RYR3: variants seen among roughly 807,000 people sequenced by gnomAD.
The protein encoded by RYR3 is brain ryanodine receptor-calcium release channel.
Under a neutral mutation model 584.3 loss-of-function variants are expected in RYR3, and 207 were observed. That is an observed-to-expected ratio of 0.35 (90% CI 0.32 to 0.40). The LOEUF is 0.40. Ranked by LOEUF, RYR3 falls within the 10% of genes least tolerant of loss-of-function variation. The pLI, the probability that RYR3 is intolerant of heterozygous loss-of-function variation, is 1.00. For missense variants in RYR3, 5,616 were observed against 6,089.2 expected, an observed-to-expected ratio of 0.92 and a Z score of 2.59; for synonymous variants, 2,416 against 2,248.5, an observed-to-expected ratio of 1.07 and a Z score of -2.11.
At position 33,731,500 on chromosome 15, in the gene RYR3, G is replaced by A. The variant is rs778179200; in HGVS notation, c.7230G>A (p.Ala2410=). 2.0e-5 allele frequency: 33 copies of A among 1,612,856 alleles called. No individual in the cohort carries two copies. Among genetic ancestry groups the A allele is most frequent in the Non-Finnish European group, 2.3e-5 (27 of 1,179,470 alleles). Reference sequence around the variant, plus strand: ...TTTCCCTAAGCACCACAGAGGCTGCGCTTGCACTAAATAGGTATATATGTT... The same window carrying A: ...TTTCCCTAAGCACCACAGAGGCTGCACTTGCACTAAATAGGTATATATGTT... ...DTVSLSTTEA[A]LALNRYICSA... Residue 2410 remains alanine, a synonymous_variant, in exon 48 of 104, where the codon GCG becomes GCA. Coordinates refer to ENST00000634891, the MANE Select transcript of RYR3 (RefSeq NM_001036.6).
chr15:33,821,686 T>G (rs1411398741), intron 80 of RYR3, 84 bp downstream of exon 80: 1 of 1,364,258 alleles, frequency 7.3e-7, no homozygotes, highest in Non-Finnish European at 1.0e-6. Flanking sequence ...AGGAGTTGAC[T>G]GCTACAGAGG....
intron 53 of RYR3, 135 bp from the exon 54 acceptor site, chr15:33,747,979 T>G: frequency 1.3e-6 from 1 of 752,606 alleles, no homozygotes; most frequent in Non-Finnish European, 2.3e-6. Flanking sequence ...ACAAAGGATG[T>G]TTTGACCTTG....
At chr15:33,437,256 G>T (rs779996326) in intron 1 of RYR3, among the ~76,000 whole-genome samples, 1 of 152,098 alleles carries the variant, frequency 6.6e-6, no homozygotes, top group Non-Finnish European at 1.5e-5. Flanking sequence ...GAGCAAAGTC[G>T]TTGAGGCTGG....
intron 1 of RYR3, among the ~76,000 whole-genome samples, chr15:33,460,940 C>CT (rs66742049): frequency 0.025 from 1,981 of 79,152 alleles, 120 homozygotes; most frequent in South Asian, 0.035. Context: ...TAATATCCAC[C>CT]TTTTTTTTTT....
chr15:33,694,967 G>T (rs750618979), intron 38 of RYR3, among the ~76,000 whole-genome samples: 2 of 152,208 alleles, frequency 1.3e-5, no homozygotes, highest in Non-Finnish European at 2.9e-5. Flanking sequence ...GATGAGCCAA[G>T]ACTGTATATA....
At chr15:33,494,843 AG>A (rs1259609449) in intron 2 of RYR3, among the ~76,000 whole-genome samples, 2 of 152,202 alleles carry the variant, frequency 1.3e-5, no homozygotes, top group African/African-American at 4.8e-5. Flanking sequence ...AATTTAAGAA[AG>A]GTTTATGCAT....
chr15:33,341,861 A>G (rs1971861350), intron 1 of RYR3, among the ~76,000 whole-genome samples: 1 of 151,974 alleles, frequency 6.6e-6, no homozygotes, highest in Non-Finnish European at 1.5e-5. Flanking sequence ...AAAAAAAATT[A>G]GAGCTCAAAG....
At position 33,635,818 on chromosome 15, in the gene RYR3, G is replaced by A; in HGVS notation, c.3380G>A (p.Arg1127Lys). 1 of 1,610,432 alleles carries A rather than the reference G, an allele frequency of 6.2e-7. No individual in the cohort carries two copies. Among genetic ancestry groups the A allele is most frequent in the Non-Finnish European group, 8.5e-7 (1 of 1,179,184 alleles). ...CAAGCCTTTGTGTTTGAAGGCAACA[G>A]GGTGAGTTTATATATCTAGCAAACA... ...DDQAFVFEGN[R>K]GQRWHQGSGY... is the part of the protein sequence containing the mutation. The change falls in exon 26 of 104, where the codon AGG becomes AAG. Residue 1127 changes from arginine (R) to lysine (K), a missense_variant and splice_region_variant. By Grantham distance (26) the Arg-to-Lys change is conservative (BLOSUM62 2). Around this residue, in one of 9 missense-constraint regions of RYR3, gnomAD observed 152 missense variants for 200.9 expected, o/e 0.76. Transcript: ENST00000634891.
intron 29 of RYR3, 34 bp downstream of exon 29, chr15:33,646,560 C>G: frequency 6.4e-7 from 1 of 1,570,782 alleles, no homozygotes; most frequent in Non-Finnish European, 8.7e-7. Flanking sequence ...CAGAGGCACT[C>G]ATTGTATCTC....
chr15:33,862,363 T>G (rs1888594240), intron 102 of RYR3, among the ~76,000 whole-genome samples: 1 of 103,662 alleles, frequency 9.6e-6, no homozygotes, highest in South Asian at 4.3e-4. Flanking sequence ...ACCACTAATT[T>G]AGCACCAGCT....
intron 1 of RYR3, among the ~76,000 whole-genome samples, chr15:33,357,878 A>G (rs1974201407): frequency 6.6e-6 from 1 of 152,210 alleles, no homozygotes; most frequent in South Asian, 2.1e-4. Context: ...AGTATTTTAC[A>G]TGAATGGCAA....
intron 7 of RYR3, 143 bp from the exon 8 acceptor site, chr15:33,543,479 C>T: frequency 1.5e-6 from 1 of 649,778 alleles, no homozygotes; most frequent in Admixed American, 2.5e-5. Flanking sequence ...GGCCTGCATT[C>T]ATGGAATATG....
chr15:33,729,969 G>A (rs2068803580), intron 47 of RYR3, among the ~76,000 whole-genome samples: 1 of 152,056 alleles, frequency 6.6e-6, no homozygotes, highest in African/African-American at 2.4e-5. Flanking sequence ...AGTGGGAGCT[G>A]CATTCCCATG....
intron 16 of RYR3, among the ~76,000 whole-genome samples, chr15:33,587,947 G>A (rs2058939879): frequency 3.3e-5 from 5 of 152,116 alleles, no homozygotes; most frequent in Admixed American, 3.3e-4. Context: ...AGGCTGCATT[G>A]TTGTCTCCAG....
At chr15:33,711,551 A>G (rs2067126685) in intron 43 of RYR3, among the ~76,000 whole-genome samples, 1 of 152,180 alleles carries the variant, frequency 6.6e-6, no homozygotes, top group African/African-American at 2.4e-5. Flanking sequence ...CTACCAGGCC[A>G]CTTCTTGAAC....
At chr15:33,804,350 T>C (rs992429334) in intron 69 of RYR3, among the ~76,000 whole-genome samples, 3 of 152,212 alleles carry the variant, frequency 2.0e-5, no homozygotes, top group Non-Finnish European at 4.4e-5. Context: ...TATTGTTCTG[T>C]TGCCTGAGTT....
At chr15:33,665,857 C>G (rs2063466972) in intron 36 of RYR3, among the ~76,000 whole-genome samples, 1 of 152,218 alleles carries the variant, frequency 6.6e-6, no homozygotes, top group African/African-American at 2.4e-5. Flanking sequence ...CTTTAGTATT[C>G]TAAGCAATCC....
At chr15:33,611,537 CAG>C (rs1213138573) in intron 18 of RYR3, among the ~76,000 whole-genome samples, 1 of 150,914 alleles carries the variant, frequency 6.6e-6, no homozygotes, top group Non-Finnish European at 1.5e-5. Flanking sequence ...GCCTGGGCGA[CAG>C]AGTGAGACTC....
At chr15:33,807,477 T>C (rs906545256) in intron 69 of RYR3, 78 bp from the exon 70 acceptor site, 47 of 1,354,318 alleles carry the variant, frequency 3.5e-5, no homozygotes, top group Non-Finnish European at 4.4e-5. Context: ...AACTAACATA[T>C]GGTGCCTTTT....
Sources: gnomAD v4.1 joint callset for allele counts (sites outside exome capture counted in the v4.1 genomes callset) on GRCh38, gnomAD v4.1.1 for gene constraint, gnomAD v4.1.1 regional missense constraint, MANE v1.5 for transcripts, NCBI Gene and HGNC (gene_info 2026-07-23, HGNC 2026-07-21) for gene names.